The following AFF2 variants were observed in gnomAD, a reference collection of about 807,000 sequenced individuals.
The protein encoded by AFF2 is ALF transcription elongation factor 2, also known as AF4/FMR2 family member 2.
AFF2 carries 14 observed loss-of-function variants against 76.9 expected under a neutral mutation model. The observed-to-expected ratio is 0.18, with a 90% CI of 0.12 to 0.28. AFF2 has a LOEUF of 0.28. AFF2 is among the 10% of genes least tolerant of loss of function. The pLI is 1.00. For synonymous variants in AFF2, 398 were observed against 366.7 expected (o/e 1.09, Z -0.98); for missense variants, 868 against 1,001.1 (o/e 0.87, Z 1.79).
chrX:148,981,672 T>C (rs1557290893), intron 19 of AFF2, among the ~76,000 whole-genome samples: 1 of 111,956 alleles, frequency 8.9e-6, no homozygotes, highest in Admixed American at 9.5e-5. Flanking sequence ...GAAGGGAAAC[T>C]AGATGACTGT....
chrX:148,923,004 G>A lies in AFF2; in HGVS notation c.1397+18746G>A, dbSNP rs1260959551. On this transcript the variant is annotated intron_variant, in intron 9 of 20. Coordinates refer to ENST00000370460, the MANE Select transcript of AFF2 (RefSeq NM_002025.4). ...GCTTCTGGGAGTTCAACAGCCATGG[G>A]TGGAGGAACATGTTCATTAGAGGAA... Among the ~76,000 whole-genome samples the A allele has an allele frequency of 1.8e-4, 20 of 111,777 alleles. No homozygotes were observed. In the South Asian group the frequency reaches 5.7e-3, roughly 32 times the overall value.
chrX:148,664,895 T>C (rs2054343179), intron 3 of AFF2, among the ~76,000 whole-genome samples: 1 of 112,700 alleles, frequency 8.9e-6, no homozygotes. Flanking sequence ...TCCTGTTCTG[T>C]CATTGAGAAA....
intron 15 of AFF2, among the ~76,000 whole-genome samples, chrX:148,970,013 C>A (rs1389360874): frequency 9.0e-6 from 1 of 111,657 alleles, no homozygotes; most frequent in African/African-American, 3.3e-5. Flanking sequence ...CTCTACAGAT[C>A]TCTCCAGCTA....
chrX:148,895,809 A>G (rs2071278278), intron 8 of AFF2, among the ~76,000 whole-genome samples: 1 of 110,539 alleles, frequency 9.0e-6, no homozygotes, highest in Non-Finnish European at 1.9e-5. Flanking sequence ...GGCCTCTTAT[A>G]TCCTCATTTT....
chrX:148,841,887 T>A (rs1031029725), intron 5 of AFF2, among the ~76,000 whole-genome samples: 1 of 111,915 alleles, frequency 8.9e-6, no homozygotes, highest in Non-Finnish European at 1.9e-5. Context: ...TTGTTGAGTT[T>A]GTGGTAATCT....
intron 1 of AFF2, among the ~76,000 whole-genome samples, chrX:148,548,709 A>G: frequency 8.9e-6 from 1 of 112,304 alleles, no homozygotes; most frequent in Non-Finnish European, 1.9e-5. Context: ...TGCTGGGATT[A>G]CAGGCGTCAG....
intron 12 of AFF2, among the ~76,000 whole-genome samples, chrX:148,959,176 C>T (rs908743176): frequency 3.6e-5 from 4 of 111,216 alleles, no homozygotes; most frequent in South Asian, 3.9e-4. Context: ...CTCCTGGCAC[C>T]TCCTCACTCA....
At chrX:148,958,490 G>C in intron 12 of AFF2, 32 bp downstream of exon 12, 1 of 1,191,997 alleles carries the variant, frequency 8.4e-7, no homozygotes, top group Non-Finnish European at 1.1e-6. Context: ...CTGATGGCTT[G>C]GTATGATTGT....
chrX:148,557,345 A>C (rs2053062918), intron 1 of AFF2, among the ~76,000 whole-genome samples: 1 of 112,289 alleles, frequency 8.9e-6, no homozygotes, highest in African/African-American at 3.2e-5. Context: ...AAAAATTGTT[A>C]TCACTTACGG....
chrX:148,524,255 A>C (rs782421093), intron 1 of AFF2, among the ~76,000 whole-genome samples: 22 of 109,704 alleles, frequency 2.0e-4, no homozygotes, highest in Non-Finnish European at 3.8e-4. Context: ...AAAAGGAGGT[A>C]ATTTATTTAT....
intron 1 of AFF2, among the ~76,000 whole-genome samples, chrX:148,534,716 A>C (rs1415466984): frequency 8.9e-6 from 1 of 112,753 alleles, no homozygotes; most frequent in Non-Finnish European, 1.9e-5. Flanking sequence ...TGACAGAAAG[A>C]AAAACCACTA....
chrX:148,582,584 C>A (rs1230503696), intron 1 of AFF2, among the ~76,000 whole-genome samples: 1 of 111,742 alleles, frequency 8.9e-6, no homozygotes, highest in African/African-American at 3.3e-5. Flanking sequence ...CTTAAGAAGA[C>A]ACATAATGAC....
intron 1 of AFF2, among the ~76,000 whole-genome samples, chrX:148,593,885 A>G (rs141129151): frequency 1.9e-4 from 21 of 111,433 alleles, no homozygotes; most frequent in East Asian, 1.4e-3. Flanking sequence ...AACAATCAGC[A>G]TGGAACCAGA....
At chrX:148,614,480 C>T (rs1469792882) in intron 1 of AFF2, among the ~76,000 whole-genome samples, 3 of 111,128 alleles carry the variant, frequency 2.7e-5, no homozygotes, top group Non-Finnish European at 5.7e-5. Context: ...TTTACCTCAT[C>T]CTAGCCAGCA....
chrX:148,971,299 T>A (rs2072248275), intron 15 of AFF2, among the ~76,000 whole-genome samples: 2 of 102,809 alleles, frequency 1.9e-5, no homozygotes, highest in Admixed American at 2.2e-4. Flanking sequence ...CATGTCACTG[T>A]CCTTTTGTCT....
intron 3 of AFF2, among the ~76,000 whole-genome samples, chrX:148,722,449 A>G (rs1557263910): frequency 9.1e-6 from 1 of 110,231 alleles, no homozygotes; most frequent in African/African-American, 3.3e-5. Flanking sequence ...CAAGAACTCG[A>G]CCAGCGAGAC....
chrX:148,640,943 A>G (rs2054082817), intron 1 of AFF2, among the ~76,000 whole-genome samples: 1 of 111,604 alleles, frequency 9.0e-6, no homozygotes, highest in Non-Finnish European at 1.9e-5. Flanking sequence ...TGAAGTGTTC[A>G]AGTCCCAGCT....
chrX:148,936,155 A>G (rs1232407637), intron 9 of AFF2, among the ~76,000 whole-genome samples: 1 of 111,050 alleles, frequency 9.0e-6, no homozygotes, highest in East Asian at 2.8e-4. Flanking sequence ...ATTGTCTATG[A>G]GGGTTTCCAA....
chrX:148,805,189 G>A (rs782196029), intron 3 of AFF2, among the ~76,000 whole-genome samples: 10 of 111,605 alleles, frequency 9.0e-5, no homozygotes, highest in Admixed American at 3.8e-4. Flanking sequence ...TTTGGAAGCC[G>A]CCATCAGTGT....
Sources: gnomAD v4.1 joint callset for allele counts (sites outside exome capture counted in the v4.1 genomes callset) on GRCh38, gnomAD v4.1.1 for gene constraint, MANE v1.5 for transcripts, NCBI Gene and HGNC (gene_info 2026-07-23, HGNC 2026-07-21) for gene names.